ERC1: variants seen among roughly 807,000 people sequenced by gnomAD.
ERC1 encodes RAB6 interacting protein 2.
A neutral mutation model predicts 132.0 loss-of-function variants in ERC1; 56 were observed. The ratio of observed to expected loss-of-function variants is 0.42; its 90% confidence interval spans 0.34 to 0.53. The LOEUF (loss-of-function observed/expected upper bound fraction) is 0.53, where lower values mean the gene tolerates loss of function less well. Ranked by LOEUF, ERC1 falls within the 20% of genes least tolerant of loss-of-function variation. The pLI is 0.03. For missense variants in ERC1, 1,202 were observed against 1,349.9 expected (o/e 0.89, Z 1.72); for synonymous variants, 478 against 476.1 (o/e 1.00, Z -0.05).
chr12:1,281,430 T>C (rs2078672199), intron 14 of ERC1, among the ~76,000 whole-genome samples: 2 of 152,208 alleles, frequency 1.3e-5, no homozygotes. Flanking sequence ...TTTCCTAAAT[T>C]AGACATTTGT....
At chr12:1,343,669 T>C (rs1171036910) in intron 15 of ERC1, among the ~76,000 whole-genome samples, 1 of 152,152 alleles carries the variant, frequency 6.6e-6, no homozygotes, top group Non-Finnish European at 1.5e-5. Flanking sequence ...GCTGTCTCAC[T>C]TCTCACCCAA....
At chr12:1,375,456 C>T (rs1286301567) in intron 16 of ERC1, among the ~76,000 whole-genome samples, 3 of 152,166 alleles carry the variant, frequency 2.0e-5, no homozygotes, top group Non-Finnish European at 2.9e-5. Flanking sequence ...AGAGCCAAAT[C>T]GTATCACGTT....
intron 15 of ERC1, among the ~76,000 whole-genome samples, chr12:1,314,525 C>T (rs922750302): frequency 1.3e-5 from 2 of 152,118 alleles, no homozygotes; most frequent in Admixed American, 1.3e-4. Context: ...TGCGCAAAAA[C>T]TTTTGACCCT....
chr12:1,161,645 A>C (rs1344183408), intron 8 of ERC1, among the ~76,000 whole-genome samples: 10 of 152,160 alleles, frequency 6.6e-5, no homozygotes, highest in Admixed American at 6.6e-4. Flanking sequence ...TCAATCAAAA[A>C]CTGTAGAAAT....
At chr12:1,354,294 TG>T (rs1030975916) in intron 15 of ERC1, among the ~76,000 whole-genome samples, 3 of 151,988 alleles carry the variant, frequency 2.0e-5, no homozygotes, top group Non-Finnish European at 4.4e-5. Flanking sequence ...GAGGCCGAGG[TG>T]GGCCAATCAC....
At chr12:1,387,412 T>C (rs919726285) in intron 16 of ERC1, among the ~76,000 whole-genome samples, 4 of 152,150 alleles carry the variant, frequency 2.6e-5, no homozygotes, top group Admixed American at 6.6e-5. Flanking sequence ...CCCAAACTTA[T>C]AGCCCCCAAA....
intron 13 of ERC1, among the ~76,000 whole-genome samples, chr12:1,258,915 G>T (rs1254927049): frequency 6.6e-6 from 1 of 152,146 alleles, no homozygotes; most frequent in Non-Finnish European, 1.5e-5. Flanking sequence ...GCCTGAAGAT[G>T]TGTTTGCCTG....
chr12:1,425,897 C>A (rs1480533560), intron 17 of ERC1, among the ~76,000 whole-genome samples: 1 of 152,148 alleles, frequency 6.6e-6, no homozygotes, highest in African/African-American at 2.4e-5. Context: ...CCTCTTGGTA[C>A]CTCAGTTTAT....
chr12:1,421,119 A>G (rs2092411158), intron 17 of ERC1, among the ~76,000 whole-genome samples: 1 of 152,162 alleles, frequency 6.6e-6, no homozygotes, highest in Non-Finnish European at 1.5e-5. Flanking sequence ...TGTTGGGAAC[A>G]TTTAATATTC....
chr12:1,458,379 A>G (rs1024433816), intron 18 of ERC1, among the ~76,000 whole-genome samples: 18 of 152,186 alleles, frequency 1.2e-4, no homozygotes, highest in African/African-American at 4.3e-4. Context: ...ATATAGAAAG[A>G]GTAAAGACAA....
At chr12:1,141,881 C>A in intron 8 of ERC1, 94 bp downstream of exon 8, 1 of 1,049,276 alleles carries the variant, frequency 9.5e-7, no homozygotes, top group Non-Finnish European at 1.3e-6. Context: ...GAGTTTCTTG[C>A]TCATTTTTCA....
chr12:1,013,389 T>G (rs1965009123), intron 1 of ERC1, among the ~76,000 whole-genome samples: 1 of 152,114 alleles, frequency 6.6e-6, no homozygotes, highest in African/African-American at 2.4e-5. Context: ...TTGATAAGAA[T>G]TATTAAAAAC....
intron 7 of ERC1, among the ~76,000 whole-genome samples, chr12:1,116,587 G>C (rs1304739259): frequency 7.1e-6 from 1 of 140,318 alleles, no homozygotes; most frequent in Non-Finnish European, 1.5e-5. Flanking sequence ...TTTTTTTTGA[G>C]ATGGCCTCTC....
intron 16 of ERC1, among the ~76,000 whole-genome samples, chr12:1,379,244 A>G (rs1467943119): frequency 6.6e-6 from 1 of 152,172 alleles, no homozygotes; most frequent in Non-Finnish European, 1.5e-5. Flanking sequence ...CTGGAAATCT[A>G]CTTAGCTAGA....
At chr12:1,409,665 AG>A (rs2091726349) in intron 17 of ERC1, among the ~76,000 whole-genome samples, 1 of 152,180 alleles carries the variant, frequency 6.6e-6, no homozygotes, top group African/African-American at 2.4e-5. Flanking sequence ...AAAATGGCAT[AG>A]TATTTGCATA....
At chr12:1,164,222 A>G in intron 8 of ERC1, among the ~76,000 whole-genome samples, 1 of 117,094 alleles carries the variant, frequency 8.5e-6, no homozygotes, top group African/African-American at 4.5e-5. Flanking sequence ...GTAGTCACAG[A>G]ACCTGCCCTT....
intron 13 of ERC1, among the ~76,000 whole-genome samples, chr12:1,259,057 C>G (rs79571145): frequency 0.026 from 3,882 of 152,080 alleles, 74 homozygotes; most frequent in South Asian, 0.081. Context: ...GCAAGATACT[C>G]TTTTAACATA....
chr12:1,060,724 ATTTT>A (rs35393938), intron 2 of ERC1, among the ~76,000 whole-genome samples: 7 of 109,128 alleles, frequency 6.4e-5, no homozygotes, highest in Non-Finnish European at 5.9e-5. Flanking sequence ...AACGTGGGAA[ATTTT>A]TTTTTTTTTT....
chr12:1,463,789 A>G (rs2154423510), intron 18 of ERC1, among the ~76,000 whole-genome samples: 1 of 151,392 alleles, frequency 6.6e-6, no homozygotes, highest in South Asian at 2.1e-4. Flanking sequence ...GCTCTCACAC[A>G]CAGTCTGGCA....
Sources: allele counts gnomAD v4.1 joint callset (sites outside exome capture counted in the v4.1 genomes callset), GRCh38; gene constraint gnomAD v4.1.1; transcripts MANE v1.5; gene names NCBI Gene and HGNC (gene_info 2026-07-23, HGNC 2026-07-21).